The following ACSBG1 variants were observed in gnomAD, a reference collection of about 807,000 sequenced individuals.
ACSBG1 encodes the protein long-chain-fatty-acid--CoA ligase ACSBG1.
In ACSBG1, 39 loss-of-function variants were observed where a neutral mutation model predicts 80.2. The observed-to-expected ratio is 0.49, with a 90% confidence interval of 0.38 to 0.64. The LOEUF is 0.64. ACSBG1 is among the 30% of genes least tolerant of loss of function. The pLI, the probability that ACSBG1 is intolerant of heterozygous loss-of-function variation, is 0.00. For missense variants in ACSBG1, 828 were observed against 966.4 expected (o/e 0.86, Z 1.90); for synonymous variants, 392 against 379.5 (o/e 1.03, Z -0.38).
rs1450942413 is a variant in ACSBG1 at position 78,211,221 on chromosome 15, T to A, written c.132-3119A>T. Among the ~76,000 whole-genome samples the A allele has an allele frequency of 2.0e-5, 3 of 152,326 alleles. No individual in the cohort carries two copies. The East Asian group carries it at 5.8e-4, about 29-fold the overall frequency. On this transcript the variant is annotated intron_variant, in intron 1 of 13. Transcript: ENST00000258873. ...TTGCTGCTATTCCAGGAAGGACAGG[T>A]GGCTGTAAATGATCCTACAGGTGAG...
chr15:78,232,687 CTT>C lies in ACSBG1; in HGVS notation c.131+1682_131+1683del, dbSNP rs1270103449. Among the ~76,000 whole-genome samples the C allele has an allele frequency of 7.6e-5, 11 of 144,338 alleles. No homozygotes were observed. The East Asian group carries it at 1.4e-3, about 18-fold the overall frequency. The allele number at this position is 144,338 out of a possible 152,430, so 94.7% of individuals were successfully genotyped here. On this transcript the variant is annotated intron_variant, in intron 1 of 13. Coordinates refer to ENST00000258873, the MANE Select transcript of ACSBG1 (RefSeq NM_015162.5). ...CTGGGCACATTTATTTCTTTTTCTT[CTT>C]TTTTTTTTTTTTGAGAAGGACTTTT...
chr15:78,178,148 T>C lies in ACSBG1; in HGVS notation c.1702+466A>G, dbSNP rs987310221. 6.6e-6 allele frequency among the ~76,000 whole-genome samples: 1 copy of C among 152,062 alleles called. No homozygotes were observed. Among genetic ancestry groups the C allele is most frequent in the African/African-American group, 2.4e-5 (1 of 41,380 alleles). ...TTAAGGTTAATAAGTACCTGCCCCATAGGAGAGTGGAGTAAATAAAACGAT... is the reference window on the plus strand; with the variant it reads ...TTAAGGTTAATAAGTACCTGCCCCACAGGAGAGTGGAGTAAATAAAACGAT... On this transcript the variant is annotated intron_variant, in intron 11 of 13. Coordinates refer to ENST00000258873, the MANE Select transcript of ACSBG1 (RefSeq NM_015162.5). The surrounding 1 kb of genome is among the most constrained non-coding windows in gnomAD (Gnocchi z 4.3).
chr15:78,177,811 A>G lies in ACSBG1; in HGVS notation c.1702+803T>C, dbSNP rs1442901851. Among the ~76,000 whole-genome samples the G allele has an allele frequency of 6.6e-6, 1 of 152,178 alleles. No homozygotes were observed. On this transcript the variant is annotated intron_variant, in intron 11 of 13. Transcript: ENST00000258873. This position sits in a 1 kb window ranked among gnomAD's most constrained non-coding sequence, Gnocchi z 4.1. ...AGTTTCCCCCATGAAGCCCTGGTGC[A>G]GGATTCCCACGTGGATGCTGCGGGC... is the stretch of plus-strand genomic sequence containing the variant.
chr15:78,207,917 T>TG, intron 2 of ACSBG1, 85 bp downstream of exon 2: 4 of 876,064 alleles, frequency 4.6e-6, no homozygotes, highest in East Asian at 2.7e-5. Context: ...TGTGTGGTGG[T>TG]CCCCCACACC....
chr15:78,232,123 T>A (rs781134017), intron 1 of ACSBG1, among the ~76,000 whole-genome samples: 2 of 152,186 alleles, frequency 1.3e-5, no homozygotes, highest in Admixed American at 6.5e-5. Context: ...ACTATGCCTG[T>A]GATGGGTAAC....
At chr15:78,208,208 C>T in intron 1 of ACSBG1, 106 bp from the exon 2 acceptor site, 1 of 782,746 alleles carries the variant, frequency 1.3e-6, no homozygotes, top group East Asian at 2.7e-5. Flanking sequence ...CAGGGGGACA[C>T]TGGCACCTCT....
chr15:78,182,879 G>C, intron 5 of ACSBG1, 94 bp from the exon 6 acceptor site: 1 of 1,363,990 alleles, frequency 7.3e-7, no homozygotes, highest in Non-Finnish European at 1.0e-6. Flanking sequence ...GCTTAGTAAA[G>C]GTCTCTGGGT....
chr15:78,202,237 A>T (rs973923000), intron 2 of ACSBG1, among the ~76,000 whole-genome samples: 4 of 152,038 alleles, frequency 2.6e-5, no homozygotes, highest in African/African-American at 9.7e-5. Context: ...TTTGAGACAG[A>T]GTCTTGCTCT....
In ACSBG1 at chr15:78,180,952, G is replaced by T; in HGVS notation, c.1072-16C>A. 6.2e-7 allele frequency: 1 copy of T among 1,609,908 alleles called. No homozygotes were observed. The highest frequency in any genetic ancestry group is 8.5e-7 in the Non-Finnish European group (1 of 1,176,736). On this transcript the variant is annotated splice_polypyrimidine_tract_variant and intron_variant, in intron 8 of 13. Coordinates refer to ENST00000258873, the MANE Select transcript of ACSBG1 (RefSeq NM_015162.5). ...CCAGGCTCCCCTGTTCACACCAGAA[G>T]AGGCAGGCCTGTTGGGTCAGGGGCA...
chr15:78,230,936 T>A (rs2075441285), intron 1 of ACSBG1, among the ~76,000 whole-genome samples: 1 of 152,196 alleles, frequency 6.6e-6, no homozygotes, highest in African/African-American at 2.4e-5. Flanking sequence ...GAAAGGGGCA[T>A]CACAATGGTC....
intron 2 of ACSBG1, among the ~76,000 whole-genome samples, chr15:78,200,329 G>A (rs915346784): frequency 2.0e-5 from 3 of 152,018 alleles, no homozygotes; most frequent in African/African-American, 7.3e-5. Context: ...TGGGAAGGGT[G>A]ACAAGGCCTC....
chr15:78,224,332 A>G (rs527329884), intron 1 of ACSBG1, among the ~76,000 whole-genome samples: 9 of 152,204 alleles, frequency 5.9e-5, no homozygotes, highest in Non-Finnish European at 1.0e-4. Context: ...ACAATAAGTG[A>G]CTGTTATTGA....
rs764055665 is a variant in ACSBG1 at position 78,182,639 on chromosome 15, G to A, written c.745-24C>T. Reference sequence around the variant, plus strand: ...ATCTGTAGCCAGATGCAGGGAGCAGGCAGGCTAGGTCAGCTGGGTGGGCCC... The same window carrying A: ...ATCTGTAGCCAGATGCAGGGAGCAGACAGGCTAGGTCAGCTGGGTGGGCCC... On this transcript the variant is annotated intron_variant, in intron 6 of 13. Coordinates refer to ENST00000258873, the MANE Select transcript of ACSBG1 (RefSeq NM_015162.5). 39 of 1,613,668 alleles carry A rather than the reference G, an allele frequency of 2.4e-5. 1 individual carries two copies. Among genetic ancestry groups the A allele is most frequent in the Admixed American group, 2.3e-4 (14 of 59,978 alleles).
chr15:78,178,511 A>T lies in ACSBG1; in HGVS notation c.1702+103T>A. 1 of 1,288,308 alleles carries T rather than the reference A, an allele frequency of 7.8e-7. No homozygotes were observed. The highest frequency in any genetic ancestry group is 1.1e-6 in the Non-Finnish European group (1 of 951,722). The allele number at this position is 1,288,308 out of a possible 1,614,324, so 79.8% of individuals were successfully genotyped here. On this transcript the variant is annotated intron_variant, in intron 11 of 13. Transcript: ENST00000258873. The surrounding 1 kb of genome is among the most constrained non-coding windows in gnomAD (Gnocchi z 4.3). Reference sequence around the variant, plus strand: ...GAGATGGGGTTTCGCTGTGCTGCCCAGGGTGGTCTTGAACTCCTGAGCTCA... The same window carrying T: ...GAGATGGGGTTTCGCTGTGCTGCCCTGGGTGGTCTTGAACTCCTGAGCTCA...
At position 78,172,859 on chromosome 15, in the gene ACSBG1, G is replaced by A. The variant is rs116941007; in HGVS notation, c.2089+734C>T. 3.2e-3 allele frequency among the ~76,000 whole-genome samples: 484 copies of A among 152,246 alleles called. No homozygotes were observed. The highest frequency in any genetic ancestry group is 5.6e-3 in the Non-Finnish European group (378 of 68,024). On this transcript the variant is annotated intron_variant, in intron 13 of 13. Coordinates refer to ENST00000258873, the MANE Select transcript of ACSBG1 (RefSeq NM_015162.5). The surrounding 1 kb of genome is among the most constrained non-coding windows in gnomAD (Gnocchi z 4.1). ...CTCCTGGTTCTGTGGGCAGTGGTCC[G>A]GAACAGCCTTATCCCTTTGTCACAC...
chr15:78,213,234 C>T (rs993035709), intron 1 of ACSBG1, among the ~76,000 whole-genome samples: 3 of 152,218 alleles, frequency 2.0e-5, no homozygotes, highest in Admixed American at 6.5e-5. Flanking sequence ...TCTGCAATGG[C>T]GATTCACGCT....
intron 2 of ACSBG1, among the ~76,000 whole-genome samples, chr15:78,198,178 A>G (rs1341553279): frequency 1.3e-5 from 2 of 152,036 alleles, no homozygotes; most frequent in African/African-American, 4.8e-5. Context: ...CTGGGACTAC[A>G]GGCATGCACC....
chr15:78,231,097 G>A (rs1595909514), intron 1 of ACSBG1, among the ~76,000 whole-genome samples: 1 of 152,114 alleles, frequency 6.6e-6, no homozygotes, highest in Non-Finnish European at 1.5e-5. Flanking sequence ...GGGACCACAG[G>A]TATGTGCCAC....
intron 13 of ACSBG1, among the ~76,000 whole-genome samples, chr15:78,173,111 C>T (rs533856865): frequency 4.6e-5 from 7 of 152,074 alleles, no homozygotes; most frequent in East Asian, 1.9e-4. Flanking sequence ...TTTGGGAGGC[C>T]GAGGCGGGCG....
Sources: allele counts gnomAD v4.1 joint callset (sites outside exome capture counted in the v4.1 genomes callset), GRCh38; gene constraint gnomAD v4.1.1; non-coding constraint Gnocchi (gnomAD v3.1); transcripts MANE v1.5; gene names NCBI Gene and HGNC (gene_info 2026-07-23, HGNC 2026-07-21).